SHC4: variants seen among roughly 807,000 people sequenced by gnomAD.
The protein encoded by SHC4 is SHC adaptor protein 4, also known as SHC-transforming protein 4.
A neutral mutation model predicts 69.4 loss-of-function variants in SHC4; 41 were observed. The ratio of observed to expected loss-of-function variants is 0.59; its 90% CI spans 0.46 to 0.77. SHC4 has a LOEUF of 0.77. Among genes scored for constraint, SHC4 ranks in the 30% least tolerant of loss-of-function variants. SHC4 has a pLI of 0.00. For missense variants in SHC4, 777 were observed against 783.8 expected (o/e 0.99, Z 0.10); for synonymous variants, 318 against 299.3 (o/e 1.06, Z -0.64).
intron 2 of SHC4, among the ~76,000 whole-genome samples, chr15:48,922,972 G>A (rs1235047558): frequency 6.6e-6 from 1 of 152,238 alleles, no homozygotes; most frequent in African/African-American, 2.4e-5. Context: ...TACTGGAAGT[G>A]TAGTCAGGTG....
chr15:48,896,179 CTTCT>C (rs1295963086), intron 2 of SHC4, among the ~76,000 whole-genome samples: 3 of 151,794 alleles, frequency 2.0e-5, no homozygotes, highest in South Asian at 2.1e-4. Flanking sequence ...ACAAACTTTC[CTTCT>C]TTCTTTTTCT....
chr15:48,865,569 T>A (rs897524382), intron 6 of SHC4, among the ~76,000 whole-genome samples: 2 of 152,210 alleles, frequency 1.3e-5, no homozygotes, highest in African/African-American at 4.8e-5. Flanking sequence ...AAATCAAGGT[T>A]TGAGGTTGTG....
intron 2 of SHC4, among the ~76,000 whole-genome samples, chr15:48,910,358 A>G (rs1482129975): frequency 1.3e-5 from 2 of 152,082 alleles, no homozygotes; most frequent in African/African-American, 4.8e-5. Flanking sequence ...AAAGGTGCTC[A>G]TAGTAGCCTT....
intron 4 of SHC4, among the ~76,000 whole-genome samples, chr15:48,872,887 T>G: frequency 6.6e-6 from 1 of 152,218 alleles, no homozygotes; most frequent in Non-Finnish European, 1.5e-5. Context: ...GTCATGCTAT[T>G]TTGAAGGTTC....
At chr15:48,847,277 A>G (rs1899111540) in intron 9 of SHC4, among the ~76,000 whole-genome samples, 1 of 152,198 alleles carries the variant, frequency 6.6e-6, no homozygotes, top group Non-Finnish European at 1.5e-5. Flanking sequence ...CACTGTAAGT[A>G]ACAACATTTT....
At chr15:48,946,264 T>C (rs537238834) in intron 1 of SHC4, 2 of 152,352 alleles carry the variant, frequency 1.3e-5, no homozygotes, top group South Asian at 4.1e-4. Flanking sequence ...TCAGTGTGTG[T>C]AGGAAGCATT....
chr15:48,858,413 A>C (rs951562230), intron 6 of SHC4, among the ~76,000 whole-genome samples: 2 of 152,180 alleles, frequency 1.3e-5, no homozygotes, highest in Non-Finnish European at 2.9e-5. Context: ...TGTCTTCAAT[A>C]AGCATCAAAA....
intron 5 of SHC4, 49 bp from the exon 6 acceptor site, chr15:48,867,918 T>C: frequency 6.8e-7 from 1 of 1,476,100 alleles, no homozygotes; most frequent in Non-Finnish European, 9.4e-7. Context: ...AACTGTACTG[T>C]TGAAAGAAAC....
chr15:48,897,000 C>T (rs1245655152), intron 2 of SHC4, among the ~76,000 whole-genome samples: 1 of 152,186 alleles, frequency 6.6e-6, no homozygotes, highest in Non-Finnish European at 1.5e-5. Context: ...GAGTTGAGAG[C>T]GATTTCTCCT....
intron 1 of SHC4, among the ~76,000 whole-genome samples, chr15:48,925,712 G>A (rs1440545197): frequency 1.3e-5 from 2 of 152,166 alleles, no homozygotes; most frequent in African/African-American, 4.8e-5. Flanking sequence ...AGGATCCATG[G>A]CAGGCGTGAT....
chr15:48,841,336 C>T (rs866185739), intron 10 of SHC4, among the ~76,000 whole-genome samples: 4 of 152,176 alleles, frequency 2.6e-5, no homozygotes, highest in African/African-American at 9.7e-5. Context: ...TCCCATTGCA[C>T]AGTTGAGTAA....
intron 1 of SHC4, among the ~76,000 whole-genome samples, chr15:48,950,312 C>T (rs562974825): frequency 6.7e-6 from 1 of 149,862 alleles, no homozygotes; most frequent in African/African-American, 2.5e-5. Context: ...AAACTTCTAA[C>T]CGATCATTAG....
chr15:48,881,475 T>C (rs777357819), intron 4 of SHC4, among the ~76,000 whole-genome samples: 6 of 152,142 alleles, frequency 3.9e-5, no homozygotes, highest in Non-Finnish European at 8.8e-5. Flanking sequence ...CAGGTAGCAC[T>C]TGACATTTAT....
chr15:48,830,262 T>A (rs1480985672), intron 11 of SHC4, among the ~76,000 whole-genome samples: 1 of 152,204 alleles, frequency 6.6e-6, no homozygotes, highest in Admixed American at 6.5e-5. Context: ...GCTATAACAA[T>A]CTCTTTTAAA....
At chr15:48,830,533 A>T (rs565710783) in intron 11 of SHC4, among the ~76,000 whole-genome samples, 12 of 152,326 alleles carry the variant, frequency 7.9e-5, no homozygotes, top group African/African-American at 2.9e-4. Context: ...TTGACTAATG[A>T]GTTGTTGGAA....
intron 11 of SHC4, among the ~76,000 whole-genome samples, chr15:48,833,072 C>T (rs1393493282): frequency 1.3e-5 from 2 of 152,036 alleles, no homozygotes; most frequent in Non-Finnish European, 2.9e-5. Flanking sequence ...TTTGTTTGGG[C>T]CATGTTTCCC....
intron 11 of SHC4, among the ~76,000 whole-genome samples, chr15:48,832,722 T>C (rs1480990467): frequency 6.6e-6 from 1 of 152,164 alleles, no homozygotes; most frequent in African/African-American, 2.4e-5. Context: ...TTAGGCTTTC[T>C]TCACTTTTTA....
At chr15:48,955,171 G>A (rs967436562) in intron 1 of SHC4, among the ~76,000 whole-genome samples, 3 of 152,164 alleles carry the variant, frequency 2.0e-5, no homozygotes, top group Non-Finnish European at 4.4e-5. Flanking sequence ...TGTTTACCCA[G>A]GAAGAGGACA....
intron 4 of SHC4, among the ~76,000 whole-genome samples, chr15:48,881,845 G>A (rs370380682): frequency 9.9e-5 from 15 of 152,170 alleles, no homozygotes; most frequent in Middle Eastern, 3.4e-3. Context: ...AAAATTGCAA[G>A]CATCGCATGT....
Sources: allele counts gnomAD v4.1 joint callset (sites outside exome capture counted in the v4.1 genomes callset), GRCh38; gene constraint gnomAD v4.1.1; transcripts MANE v1.5; gene names NCBI Gene and HGNC (gene_info 2026-07-23, HGNC 2026-07-21).